Variants in SLC35F3 observed in about 807,000 individuals in gnomAD.
The protein encoded by SLC35F3 is putative thiamine transporter SLC35F3.
SLC35F3 carries 25 observed loss-of-function variants against 49.9 expected under a neutral mutation model. The ratio of observed to expected loss-of-function variants is 0.50; its 90% confidence interval spans 0.37 to 0.70. The LOEUF (loss-of-function observed/expected upper bound fraction) is 0.70, where lower values mean the gene tolerates loss of function less well. SLC35F3 is among the 30% of genes least tolerant of loss of function. The pLI, the probability that SLC35F3 is intolerant of heterozygous loss-of-function variation, is 0.00. For missense variants in SLC35F3, 525 were observed against 639.8 expected (o/e 0.82, Z 1.94); for synonymous variants, 275 against 265.4 (o/e 1.04, Z -0.35).
intron 2 of SLC35F3, among the ~76,000 whole-genome samples, chr1:234,190,596 G>C (rs868136391): frequency 6.6e-6 from 1 of 152,042 alleles, no homozygotes; most frequent in African/African-American, 2.4e-5. Context: ...ATAAGAAATG[G>C]GATAGCAACA....
intron 3 of SLC35F3, among the ~76,000 whole-genome samples, chr1:234,269,413 A>G (rs1055034814): frequency 1.3e-5 from 2 of 152,168 alleles, no homozygotes; most frequent in South Asian, 2.1e-4. Context: ...CCCAGGATCA[A>G]ATGCAGGGCT....
chr1:234,011,601 C>A (rs1663721253), intron 2 of SLC35F3, among the ~76,000 whole-genome samples: 1 of 152,010 alleles, frequency 6.6e-6, no homozygotes, highest in Admixed American at 6.6e-5. Context: ...TTTAGACATG[C>A]CAGTTAACCT....
At chr1:234,130,588 G>A (rs1403399033) in intron 2 of SLC35F3, among the ~76,000 whole-genome samples, 1 of 149,474 alleles carries the variant, frequency 6.7e-6, no homozygotes, top group Non-Finnish European at 1.5e-5. Context: ...CCAGTGAGCC[G>A]AGAGATCGTG....
chr1:233,937,976 A>G (rs1297348456), intron 2 of SLC35F3, among the ~76,000 whole-genome samples: 9 of 152,208 alleles, frequency 5.9e-5, no homozygotes, highest in African/African-American at 1.9e-4. Flanking sequence ...TGCAGAATTC[A>G]GGAGAGAAGA....
chr1:234,211,502 C>A (rs894622790), intron 2 of SLC35F3, among the ~76,000 whole-genome samples: 5 of 152,210 alleles, frequency 3.3e-5, no homozygotes, highest in African/African-American at 4.8e-5. Context: ...CATGGGAACC[C>A]CCCCCTTACA....
chr1:233,975,067 A>C (rs1198154992), intron 2 of SLC35F3, among the ~76,000 whole-genome samples: 1 of 152,242 alleles, frequency 6.6e-6, no homozygotes, highest in South Asian at 2.1e-4. Context: ...ACCATCATCT[A>C]CAGAGAAGCC....
At chr1:234,276,060 A>G (rs1668205932) in intron 3 of SLC35F3, among the ~76,000 whole-genome samples, 1 of 152,186 alleles carries the variant, frequency 6.6e-6, no homozygotes, top group South Asian at 2.1e-4. Context: ...ATATGAGGCA[A>G]CATTGGGAGA....
chr1:233,986,971 C>G (rs1409164619), intron 2 of SLC35F3, among the ~76,000 whole-genome samples: 1 of 152,046 alleles, frequency 6.6e-6, no homozygotes, highest in Non-Finnish European at 1.5e-5. Flanking sequence ...TTTTATTGAG[C>G]CAAAACCTTC....
At chr1:233,936,101 T>C (rs760863562) in intron 2 of SLC35F3, among the ~76,000 whole-genome samples, 3 of 152,330 alleles carry the variant, frequency 2.0e-5, no homozygotes, top group African/African-American at 7.2e-5. Context: ...TAAGTAGTGT[T>C]AACTATGTAT....
chr1:234,231,752 C>G lies in SLC35F3; in HGVS notation c.608+11C>G, dbSNP rs759147791. The G allele has an allele frequency of 2.5e-6, 4 of 1,586,338 alleles. No homozygotes were observed. In the East Asian group the frequency reaches 9.0e-5, roughly 36 times the overall value. ...GAAGCAGCGATACAGGTAGGCGCGT[C>G]CTGCATGAGGAGGCCTCCTGACCCC... On this transcript the variant is annotated intron_variant, in intron 3 of 7. Coordinates refer to ENST00000366618, the MANE Select transcript of SLC35F3 (RefSeq NM_173508.4). This position sits in a 1 kb window ranked among gnomAD's most constrained non-coding sequence, Gnocchi z 5.4.
chr1:233,912,218 G>A (rs952469068), intron 2 of SLC35F3, among the ~76,000 whole-genome samples: 10 of 152,290 alleles, frequency 6.6e-5, no homozygotes, highest in African/African-American at 2.4e-4. Flanking sequence ...GGTGGCTCAT[G>A]CCTGTAATCT....
chr1:233,978,027 TC>T (rs1663118881), intron 2 of SLC35F3, among the ~76,000 whole-genome samples: 1 of 152,194 alleles, frequency 6.6e-6, no homozygotes, highest in Non-Finnish European at 1.5e-5. Context: ...CCATCAGGTG[TC>T]CGGAAGCTAT....
intron 2 of SLC35F3, among the ~76,000 whole-genome samples, chr1:234,208,339 T>C (rs1284491260): frequency 1.3e-5 from 2 of 152,234 alleles, no homozygotes; most frequent in African/African-American, 4.8e-5. Context: ...CCTGTAGATG[T>C]CGTACATGTG....
rs545571013 is a variant in SLC35F3 at position 234,227,988 on chromosome 1, A to G, written c.284-3429A>G. Among the ~76,000 whole-genome samples the G allele has an allele frequency of 2.6e-4, 39 of 152,326 alleles. No homozygotes were observed. In the South Asian group the frequency reaches 5.8e-3, roughly 23 times the overall value. Reference sequence around the variant, plus strand: ...ATAAATGCATCTGCTAAGCAAAATTATTGTGTCACTCTACATTTATTCTTC... The same window carrying G: ...ATAAATGCATCTGCTAAGCAAAATTGTTGTGTCACTCTACATTTATTCTTC... On this transcript the variant is annotated intron_variant, in intron 2 of 7. Coordinates refer to ENST00000366618, the MANE Select transcript of SLC35F3 (RefSeq NM_173508.4).
At chr1:234,045,333 A>G (rs1277884375) in intron 2 of SLC35F3, among the ~76,000 whole-genome samples, 1 of 152,184 alleles carries the variant, frequency 6.6e-6, no homozygotes, top group African/African-American at 2.4e-5. Context: ...AACATTTCCA[A>G]TATAGTTTAA....
At chr1:233,964,785 G>C (rs1282435226) in intron 2 of SLC35F3, among the ~76,000 whole-genome samples, 1 of 152,180 alleles carries the variant, frequency 6.6e-6, no homozygotes, top group African/African-American at 2.4e-5. Flanking sequence ...GAGTTCCTTT[G>C]AGGGCTGTGC....
intron 2 of SLC35F3, among the ~76,000 whole-genome samples, chr1:234,051,208 G>T (rs1440233105): frequency 6.6e-6 from 1 of 152,134 alleles, no homozygotes; most frequent in Non-Finnish European, 1.5e-5. Flanking sequence ...GGATGGCATT[G>T]AATCTGTAAA....
intron 3 of SLC35F3, chr1:234,285,438 G>A (rs1668405087): frequency 9.3e-6 from 4 of 430,416 alleles, no homozygotes; most frequent in South Asian, 6.8e-5. Context: ...TTCCAGCTCA[G>A]CAGGTCTGAT....
At chr1:234,094,324 T>C (rs1185316824) in intron 2 of SLC35F3, among the ~76,000 whole-genome samples, 1 of 152,260 alleles carries the variant, frequency 6.6e-6, no homozygotes, top group Non-Finnish European at 1.5e-5. Flanking sequence ...CAACCGGAAC[T>C]AGTAGGAAAT....
Sources: gnomAD v4.1 joint callset for allele counts (sites outside exome capture counted in the v4.1 genomes callset) on GRCh38, gnomAD v4.1.1 for gene constraint, Gnocchi (gnomAD v3.1) non-coding constraint, MANE v1.5 for transcripts, NCBI Gene and HGNC (gene_info 2026-07-23, HGNC 2026-07-21) for gene names.